The following SLC9C1 variants were observed in gnomAD, a reference collection of about 807,000 sequenced individuals.
SLC9C1 encodes the protein sodium/hydrogen exchanger 10.
A neutral mutation model predicts 140.9 loss-of-function variants in SLC9C1; 97 were observed. The observed-to-expected ratio is 0.69, with a 90% CI of 0.58 to 0.82. The LOEUF is 0.82. SLC9C1 is among the 40% of genes least tolerant of loss of function. SLC9C1 has a pLI of 0.00. For synonymous variants in SLC9C1, 440 were observed against 442.6 expected (o/e 0.99, Z 0.07); for missense variants, 1,340 against 1,389.3 (o/e 0.96, Z 0.56).
At chr3:112,220,729 T>G (rs1374692141) in intron 14 of SLC9C1, among the ~76,000 whole-genome samples, 1 of 152,204 alleles carries the variant, frequency 6.6e-6, no homozygotes, top group Non-Finnish European at 1.5e-5. Flanking sequence ...GAGAAGATGT[T>G]GAAGTACTAC....
At chr3:112,236,684 G>T (rs1192739623) in intron 12 of SLC9C1, among the ~76,000 whole-genome samples, 1 of 152,158 alleles carries the variant, frequency 6.6e-6, no homozygotes, top group Non-Finnish European at 1.5e-5. Flanking sequence ...GTTCTCATTG[G>T]TTTCAAAGAA....
chr3:112,149,046 G>A (rs2107845641), intron 28 of SLC9C1, among the ~76,000 whole-genome samples: 1 of 152,234 alleles, frequency 6.6e-6, no homozygotes, highest in East Asian at 1.9e-4. Flanking sequence ...CTCTGCACAG[G>A]AGGGGTAGGG....
rs868305717 is a variant in SLC9C1 at position 112,247,321 on chromosome 3, C to G, written c.1198-3245G>C. 2.6e-5 allele frequency among the ~76,000 whole-genome samples: 4 copies of G among 152,232 alleles called. No individual in the cohort carries two copies. The South Asian group carries it at 8.3e-4, about 32-fold the overall frequency. On this transcript the variant is annotated intron_variant, in intron 10 of 28. Transcript: ENST00000305815. ...GTGGAAAGCCCTCTTAGATTTGAGG[C>G]TTTCCAGCTGATACCATCAAAAAAA... is the stretch of plus-strand genomic sequence containing the variant.
At chr3:112,177,003 CTCTT>C (rs1465604497) in intron 23 of SLC9C1, among the ~76,000 whole-genome samples, 58 of 112,926 alleles carry the variant, frequency 5.1e-4, no homozygotes, top group African/African-American at 1.8e-3. Context: ...CTCTCTCTCT[CTCTT>C]TTTTTTTTTT....
At chr3:112,189,071 G>C (rs1012544917) in intron 20 of SLC9C1, among the ~76,000 whole-genome samples, 1 of 144,486 alleles carries the variant, frequency 6.9e-6, no homozygotes, top group East Asian at 1.9e-4. Flanking sequence ...CTTTTTGATG[G>C]GGTTGTTTGT....
At chr3:112,220,575 C>T in intron 14 of SLC9C1, among the ~76,000 whole-genome samples, 1 of 152,142 alleles carries the variant, frequency 6.6e-6, no homozygotes. Flanking sequence ...CCCCTCTTTG[C>T]CCAATCATAG....
At chr3:112,214,549 ATACAAAC>A (rs2078301609) in intron 15 of SLC9C1, among the ~76,000 whole-genome samples, 1 of 152,238 alleles carries the variant, frequency 6.6e-6, no homozygotes, top group Admixed American at 6.5e-5. Context: ...TCCCCTAGAA[ATACAAAC>A]TACCCTCAGA....
intron 8 of SLC9C1, 142 bp from the exon 9 acceptor site, chr3:112,264,485 GA>G: frequency 2.8e-6 from 1 of 359,534 alleles, no homozygotes; most frequent in East Asian, 5.4e-5. Context: ...ACTTGTAGCT[GA>G]AAATGATGAA....
chr3:112,185,774 C>T, intron 20 of SLC9C1: 1 of 1,547,836 alleles, frequency 6.5e-7, no homozygotes. Context: ...AGGGCGTCCG[C>T]ACGATGCGGC....
chr3:112,208,378 A>G lies in SLC9C1; in HGVS notation c.1791-5T>C. 6.6e-7 allele frequency: 1 copy of G among 1,523,034 alleles called. No homozygotes were observed. Among genetic ancestry groups the G allele is most frequent in the Non-Finnish European group, 8.8e-7 (1 of 1,132,198 alleles). The allele number at this position is 1,523,034 out of a possible 1,614,324, so 94.3% of individuals were successfully genotyped here. Reference sequence around the variant, plus strand: ...CATATACGAAAAAAGAAGTATCTGTAAAACAAAAAGACAGTTTTATCTGAT... The same window carrying G: ...CATATACGAAAAAAGAAGTATCTGTGAAACAAAAAGACAGTTTTATCTGAT... On this transcript the variant is annotated splice_region_variant and splice_polypyrimidine_tract_variant and intron_variant, in intron 15 of 28. Transcript: ENST00000305815.
chr3:112,185,995 C>T, intron 20 of SLC9C1: 2 of 1,543,230 alleles, frequency 1.3e-6, no homozygotes, highest in Non-Finnish European at 1.7e-6. Context: ...ACCCAGGCCC[C>T]GCGGTATTTA....
chr3:112,244,477 A>G (rs1325785941), intron 10 of SLC9C1, among the ~76,000 whole-genome samples: 1 of 152,184 alleles, frequency 6.6e-6, no homozygotes, highest in Non-Finnish European at 1.5e-5. Context: ...ATTCAACATT[A>G]CCAGCATATC....
At chr3:112,148,759 G>C (rs2074876009) in intron 28 of SLC9C1, among the ~76,000 whole-genome samples, 1 of 152,172 alleles carries the variant, frequency 6.6e-6, no homozygotes, top group Non-Finnish European at 1.5e-5. Context: ...AGCCTTGAGG[G>C]GATGGGGAGT....
chr3:112,151,292 GTCC>G (rs1330900234), intron 28 of SLC9C1: 12 of 516,982 alleles, frequency 2.3e-5, no homozygotes, highest in Non-Finnish European at 4.6e-5. Context: ...CTGTCGGACT[GTCC>G]TCCTCATTGT....
At chr3:112,158,703 A>G (rs2075197766) in intron 26 of SLC9C1, among the ~76,000 whole-genome samples, 1 of 151,714 alleles carries the variant, frequency 6.6e-6, no homozygotes, top group African/African-American at 2.4e-5. Context: ...GTTATGTGTT[A>G]TGGGTCTGTA....
chr3:112,151,402 C>T (rs2074975172), intron 28 of SLC9C1: 1 of 518,940 alleles, frequency 1.9e-6, no homozygotes, highest in Non-Finnish European at 3.8e-6. Flanking sequence ...CCATTTCTCT[C>T]TTGAATTCCT....
At chr3:112,223,012 A>G (rs1046456847) in intron 13 of SLC9C1, among the ~76,000 whole-genome samples, 1 of 152,176 alleles carries the variant, frequency 6.6e-6, no homozygotes, top group African/African-American at 2.4e-5. Context: ...ATTGAAAAAT[A>G]CACTTCAAAG....
intron 2 of SLC9C1, among the ~76,000 whole-genome samples, chr3:112,284,555 C>T (rs1266215910): frequency 6.6e-6 from 1 of 152,174 alleles, no homozygotes; most frequent in African/African-American, 2.4e-5. Context: ...TGCTGCTGTT[C>T]AAGAGGCAGT....
rs182705029 is a variant in SLC9C1 at position 112,215,113 on chromosome 3, T to G, written c.1790+2329A>C. On this transcript the variant is annotated intron_variant, in intron 15 of 28. Coordinates refer to ENST00000305815, the MANE Select transcript of SLC9C1 (RefSeq NM_183061.3). ...AAACGAACCAAAGGCAAAAATCACA[T>G]GATTATCTCAATAGATGCAGAAAAG... 2.0e-5 allele frequency among the ~76,000 whole-genome samples: 3 copies of G among 152,244 alleles called. No homozygotes were observed. The East Asian group carries it at 5.8e-4, about 29-fold the overall frequency.
Sources: allele counts gnomAD v4.1 joint callset (sites outside exome capture counted in the v4.1 genomes callset), GRCh38; gene constraint gnomAD v4.1.1; transcripts MANE v1.5; gene names NCBI Gene and HGNC (gene_info 2026-07-23, HGNC 2026-07-21).